Variants in CDADC1 observed in about 807,000 individuals in gnomAD.
CDADC1 encodes the protein cytidine and dCMP deaminase domain containing 1, also known as dCTP deaminase.
CDADC1 carries 39 observed loss-of-function variants against 54.9 expected under a neutral mutation model. The ratio of observed to expected loss-of-function variants is 0.71; its 90% confidence interval spans 0.55 to 0.93. The LOEUF (loss-of-function observed/expected upper bound fraction) is 0.93. CDADC1 is among the 40% of genes least tolerant of loss of function. The pLI, the probability that CDADC1 is intolerant of heterozygous loss-of-function variation, is 0.00. For synonymous variants in CDADC1, 186 were observed against 204.0 expected (o/e 0.91, Z 0.75); for missense variants, 518 against 618.8 (o/e 0.84, Z 1.73).
Position 49,255,918 on chromosome 13 carries a change from A to G in CDADC1, c.252+5A>G, listed in dbSNP as rs1952535051. On this transcript the variant is annotated splice_donor_5th_base_variant and intron_variant, in intron 3 of 9. Transcript: ENST00000251108. Reference sequence around the variant, plus strand: ...GTATCTACTGACAAAAGACAGGTAAATTTTTATGATTTCACATATATATGC... The same window carrying G: ...GTATCTACTGACAAAAGACAGGTAAGTTTTTATGATTTCACATATATATGC... 1.9e-6 allele frequency: 3 copies of G among 1,610,778 alleles called. 1 individual carries two copies. In the African/African-American group the frequency reaches 4.0e-5, roughly 22 times the overall value.
Position 49,274,300 on chromosome 13 carries a change from A to G in CDADC1, c.1010A>G (p.Lys337Arg). The G allele has an allele frequency of 6.2e-7, 1 of 1,610,294 alleles. No homozygotes were observed. The highest frequency in any genetic ancestry group is 8.5e-7 in the Non-Finnish European group (1 of 1,177,082). Residue 337 changes from lysine to arginine, a missense_variant, in exon 6 of 10, where the codon AAA (lysine) becomes AGA (arginine). Physicochemically the swap from Lys to Arg is conservative, Grantham distance 26. Transcript: ENST00000251108. The stretch of plus-strand genomic sequence containing the variant: ...GCCATATATCTTTCAGAGGATCATA[A>G]AACAGGAGTTGGGGCAGTCATTTGG... ...RLLAYRTEDHKTGVGAVIWAE... is the reference protein window; with the variant it reads ...RLLAYRTEDHRTGVGAVIWAE...
chr13:49,269,203 G>A (rs369040883), intron 5 of CDADC1, among the ~76,000 whole-genome samples: 1 of 152,098 alleles, frequency 6.6e-6, no homozygotes, highest in African/African-American at 2.4e-5. Context: ...CAACAGAAGG[G>A]AGGTTCTCAG....
intron 5 of CDADC1, among the ~76,000 whole-genome samples, chr13:49,269,575 A>AT (rs1952912692): frequency 6.6e-6 from 1 of 152,190 alleles, no homozygotes; most frequent in East Asian, 1.9e-4. Context: ...TGGGTTATAT[A>AT]TTTGTTTCTT....
chr13:49,280,747 G>C, intron 8 of CDADC1, 49 bp downstream of exon 8: 1 of 1,089,064 alleles, frequency 9.2e-7, no homozygotes, highest in Non-Finnish European at 1.3e-6. Flanking sequence ...TATGTTGTTA[G>C]GTACCCTGCT....
chr13:49,287,438 T>G (rs1953549635), intron 9 of CDADC1, among the ~76,000 whole-genome samples: 1 of 152,170 alleles, frequency 6.6e-6, no homozygotes, highest in Non-Finnish European at 1.5e-5. Context: ...GCATCTTTCT[T>G]TTTAAAAATT....
chr13:49,248,300 C>G, intron 1 of CDADC1, 181 bp downstream of exon 1: 1 of 575,532 alleles, frequency 1.7e-6, no homozygotes, highest in Admixed American at 3.0e-5. Flanking sequence ...CTCGGTCGCA[C>G]TGGCTTTTGA....
chr13:49,291,016 C>T (rs1297002998), intron 9 of CDADC1, among the ~76,000 whole-genome samples: 1 of 152,134 alleles, frequency 6.6e-6, no homozygotes. Flanking sequence ...TTCCAGTCCC[C>T]AGATTCTCCC....
At chr13:49,250,803 C>A (rs1009195110) in intron 2 of CDADC1, among the ~76,000 whole-genome samples, 5 of 152,090 alleles carry the variant, frequency 3.3e-5, no homozygotes, top group African/African-American at 7.2e-5. Context: ...TCCCCCAATT[C>A]CTATGTGAAG....
At chr13:49,259,071 T>TTA (rs1232218722) in intron 3 of CDADC1, among the ~76,000 whole-genome samples, 1 of 152,190 alleles carries the variant, frequency 6.6e-6, no homozygotes, top group Admixed American at 6.5e-5. Flanking sequence ...CTTTACTAGG[T>TTA]TATAATGTAT....
chr13:49,291,936 T>TATG lies in CDADC1; in HGVS notation c.*180_*182dup. 7.3e-7 allele frequency: 1 copy of TATG among 1,376,100 alleles called. No homozygotes were observed. Among genetic ancestry groups the TATG allele is most frequent in the African/African-American group, 1.5e-5 (1 of 68,552 alleles). The allele number at this position is 1,376,100 out of a possible 1,614,324, so 85.2% of individuals were successfully genotyped here. On this transcript the variant is annotated 3_prime_UTR_variant, in exon 10 of 10. Coordinates refer to ENST00000251108, the MANE Select transcript of CDADC1 (RefSeq NM_030911.4). ...AATAAGAATATTTGTCTTTTAGATTTATGTGTGGGTTTTCCATAATGTAGT... is the reference window on the plus strand; with the variant it reads ...AATAAGAATATTTGTCTTTTAGATTTATGATGTGTGGGTTTTCCATAATGTAGT...
At chr13:49,273,302 A>C (rs74074513) in intron 5 of CDADC1, among the ~76,000 whole-genome samples, 1,626 of 152,318 alleles carry the variant, frequency 0.011, 23 homozygotes, top group African/African-American at 0.037. Context: ...AATCCTCCCC[A>C]AAATGAAAAT....
chr13:49,248,979 CAT>C lies in CDADC1; in HGVS notation c.177+16_177+17del, dbSNP rs1168435724. The C allele has an allele frequency of 6.5e-7, 1 of 1,532,028 alleles. No individual in the cohort carries two copies. Among genetic ancestry groups the C allele is most frequent in the Middle Eastern group, 1.7e-4 (1 of 5,904 alleles). The allele number at this position is 1,532,028 out of a possible 1,614,324, so 94.9% of individuals were successfully genotyped here. A position where few individuals can be genotyped will look rare whatever the true frequency, so the allele number is the denominator to read the frequency against. On this transcript the variant is annotated intron_variant, in intron 2 of 9. Coordinates refer to ENST00000251108, the MANE Select transcript of CDADC1 (RefSeq NM_030911.4). ...CAAAAATCTCAGGTATAATTTGTTT[CAT>C]AGTTTTTCCCCTTAGAAAAGCAGTG...
At position 49,267,661 on chromosome 13, in the gene CDADC1, A is replaced by C; in HGVS notation, c.602A>C (p.Gln201Pro). The C allele has an allele frequency of 6.2e-7, 1 of 1,614,174 alleles. No homozygotes were observed. Residue 201 changes from glutamine to proline, a missense_variant, in exon 5 of 10, where the codon CAG (glutamine) becomes CCG (proline). Physicochemically the swap from Gln to Pro is moderately conservative, Grantham distance 76. Coordinates refer to ENST00000251108, the MANE Select transcript of CDADC1 (RefSeq NM_030911.4). ...CAACCTTTGGTGTGTTATATGGTGC[A>C]GTTTGTAGAGGAGACCTCTTACAAA... Reference protein sequence around the residue: ...LLQPLVCYMVQFVEETSYKCD... With the variant: ...LLQPLVCYMVPFVEETSYKCD...
intron 5 of CDADC1, among the ~76,000 whole-genome samples, chr13:49,272,046 G>A (rs1952978121): frequency 6.8e-6 from 1 of 146,410 alleles, no homozygotes; most frequent in Non-Finnish European, 1.5e-5. Flanking sequence ...GCTGCATGCT[G>A]ATGGAAAAAT....
At chr13:49,255,215 T>G (rs1952516295) in intron 2 of CDADC1, among the ~76,000 whole-genome samples, 1 of 152,230 alleles carries the variant, frequency 6.6e-6, no homozygotes, top group Admixed American at 6.5e-5. Context: ...TCTTTCATGT[T>G]GCATCGCTGA....
chr13:49,259,644 A>G (rs767956251), intron 4 of CDADC1, 121 bp downstream of exon 4: 42 of 902,006 alleles, frequency 4.7e-5, no homozygotes, highest in South Asian at 1.5e-4. Context: ...TGAGCCCAGG[A>G]GTTCACAAAT....
At chr13:49,271,982 G>T (rs1303654186) in intron 5 of CDADC1, among the ~76,000 whole-genome samples, 1 of 152,170 alleles carries the variant, frequency 6.6e-6, no homozygotes. Context: ...TATTTTAAAA[G>T]ACAAGTAGTA....
chr13:49,265,991 ACT>A, intron 4 of CDADC1: 1 of 1,290,788 alleles, frequency 7.7e-7, no homozygotes, highest in Non-Finnish European at 1.0e-6. Context: ...CGGAGGAAAC[ACT>A]CTGATATGAG....
Position 49,280,710 on chromosome 13 carries a change from CA to C in CDADC1, c.1410+13del. 2 of 1,537,618 alleles carry C rather than the reference CA, an allele frequency of 1.3e-6. No individual in the cohort carries two copies. On this transcript the variant is annotated intron_variant, in intron 8 of 9. Coordinates refer to ENST00000251108, the MANE Select transcript of CDADC1 (RefSeq NM_030911.4). ...TTAGCAAATTTACGGTAAGTAGATA[CA>C]CATTTTTTTCAGGTGTATTTTGTAT...
Sources: allele counts gnomAD v4.1 joint callset (sites outside exome capture counted in the v4.1 genomes callset), GRCh38; gene constraint gnomAD v4.1.1; transcripts MANE v1.5; gene names NCBI Gene and HGNC (gene_info 2026-07-23, HGNC 2026-07-21).